Variants in GRM7 observed in about 807,000 individuals in gnomAD.
GRM7 encodes the protein glutamate metabotropic receptor 7.
A neutral mutation model predicts 84.5 loss-of-function variants in GRM7; 35 were observed. The ratio of observed to expected loss-of-function variants is 0.41; its 90% CI spans 0.32 to 0.55. The LOEUF is 0.55. GRM7 is among the 20% of genes least tolerant of loss of function. GRM7 has a pLI of 0.19. For synonymous variants in GRM7, 487 were observed against 455.1 expected (o/e 1.07, Z -0.89); for missense variants, 1,003 against 1,194.6 (o/e 0.84, Z 2.36).
intron 7 of GRM7, among the ~76,000 whole-genome samples, chr3:7,483,967 T>C (rs1699228958): frequency 6.6e-6 from 1 of 152,194 alleles, no homozygotes; most frequent in Non-Finnish European, 1.5e-5. Flanking sequence ...AAAGTGCTAT[T>C]AATATTTTAG....
chr3:7,664,096 T>C (rs558675379), intron 8 of GRM7, among the ~76,000 whole-genome samples: 2 of 152,180 alleles, frequency 1.3e-5, no homozygotes, highest in African/African-American at 2.4e-5. Context: ...CCTGCCAAAC[T>C]TTCCAGAATC....
chr3:7,307,560 G>T (rs1452884591), intron 4 of GRM7, among the ~76,000 whole-genome samples: 1 of 152,092 alleles, frequency 6.6e-6, no homozygotes, highest in Non-Finnish European at 1.5e-5. Flanking sequence ...TTCTGTGTAG[G>T]CTTTTTAGAC....
At chr3:7,381,362 G>A (rs1694584109) in intron 4 of GRM7, among the ~76,000 whole-genome samples, 1 of 151,820 alleles carries the variant, frequency 6.6e-6, no homozygotes, top group African/African-American at 2.4e-5. Context: ...AATATATTCT[G>A]CCAGTATTTA....
At chr3:7,610,923 A>C (rs867971331) in intron 8 of GRM7, among the ~76,000 whole-genome samples, 11 of 152,230 alleles carry the variant, frequency 7.2e-5, no homozygotes, top group African/African-American at 2.7e-4. Context: ...AACAAATAAC[A>C]ACAAAACGAT....
intron 5 of GRM7, among the ~76,000 whole-genome samples, chr3:7,425,543 G>A (rs1696573108): frequency 6.6e-6 from 1 of 152,060 alleles, no homozygotes; most frequent in East Asian, 1.9e-4. Flanking sequence ...AAACCAAGGT[G>A]GTACAAAATA....
chr3:7,680,973 T>C (rs1325151470), intron 9 of GRM7: 1 of 152,384 alleles, frequency 6.6e-6, no homozygotes, highest in African/African-American at 2.4e-5. Flanking sequence ...TGCAAAACTC[T>C]AGGAGCCTTT....
At chr3:7,123,161 T>C (rs1358011008) in intron 1 of GRM7, among the ~76,000 whole-genome samples, 2 of 152,252 alleles carry the variant, frequency 1.3e-5, no homozygotes, top group African/African-American at 4.8e-5. Flanking sequence ...CCATTACAAT[T>C]CACTTCTATT....
chr3:7,589,481 T>C (rs1379960387), intron 8 of GRM7, among the ~76,000 whole-genome samples: 1 of 152,186 alleles, frequency 6.6e-6, no homozygotes, highest in Non-Finnish European at 1.5e-5. Flanking sequence ...GGTCAGAATC[T>C]TAAGATGCTT....
intron 9 of GRM7, among the ~76,000 whole-genome samples, chr3:7,719,184 C>T (rs1256110494): frequency 7.9e-5 from 12 of 152,092 alleles, no homozygotes; most frequent in Admixed American, 7.9e-4. Context: ...CACAACAACC[C>T]TGCTTGTCCT....
chr3:6,922,241 C>T (rs532734208), intron 1 of GRM7, among the ~76,000 whole-genome samples: 2 of 152,344 alleles, frequency 1.3e-5, no homozygotes, highest in Non-Finnish European at 2.9e-5. Flanking sequence ...CTCTTGAAGT[C>T]TGAGAAACTG....
intron 1 of GRM7, among the ~76,000 whole-genome samples, chr3:6,950,337 C>A (rs1031075050): frequency 2.0e-5 from 3 of 152,176 alleles, no homozygotes; most frequent in African/African-American, 7.2e-5. Flanking sequence ...ACCCTGTTTG[C>A]CTGGGTATCA....
chr3:6,998,742 G>T (rs1694913237), intron 1 of GRM7, among the ~76,000 whole-genome samples: 3 of 152,200 alleles, frequency 2.0e-5, no homozygotes, highest in Admixed American at 2.0e-4. Flanking sequence ...AAGGCTTGTG[G>T]CTTTCACCCT....
chr3:7,090,320 G>C (rs1038077476), intron 1 of GRM7, among the ~76,000 whole-genome samples: 3 of 152,090 alleles, frequency 2.0e-5, no homozygotes, highest in Non-Finnish European at 4.4e-5. Flanking sequence ...ATGAACTGAG[G>C]AAGCACCTTT....
At chr3:7,463,397 A>T (rs890290734) in intron 7 of GRM7, among the ~76,000 whole-genome samples, 2 of 152,210 alleles carry the variant, frequency 1.3e-5, no homozygotes, top group African/African-American at 4.8e-5. Context: ...TATCCTTTGT[A>T]AGAACTGCAT....
intron 1 of GRM7, among the ~76,000 whole-genome samples, chr3:6,883,497 G>A (rs1052819848): frequency 1.1e-4 from 16 of 151,994 alleles, no homozygotes; most frequent in African/African-American, 3.6e-4. Flanking sequence ...TATTATGTTT[G>A]GAAATGATTT....
rs376612964 is a variant in GRM7, at chr3:7,492,199, G to A, written c.1515+30477G>A. On this transcript the variant is annotated intron_variant, in intron 7 of 9. Coordinates refer to ENST00000357716, the MANE Select transcript of GRM7 (RefSeq NM_000844.4). ...TGTGTACTGTCTTTGCTGGGTTTTAGTATCAGAGTAAAACGAGCTTTCATA... is the reference window on the plus strand; with the variant it reads ...TGTGTACTGTCTTTGCTGGGTTTTAATATCAGAGTAAAACGAGCTTTCATA... Among the ~76,000 whole-genome samples, 88 of 152,230 alleles carry A rather than the reference G, an allele frequency of 5.8e-4. 1 individual carries two copies. Among genetic ancestry groups the A allele is most frequent in the African/African-American group, 2.0e-3 (83 of 41,556 alleles).
chr3:7,051,506 C>G (rs912887736), intron 1 of GRM7, among the ~76,000 whole-genome samples: 1 of 151,788 alleles, frequency 6.6e-6, no homozygotes, highest in Non-Finnish European at 1.5e-5. Context: ...TAAAGAGACT[C>G]TAGCTGTGGA....
At chr3:7,276,270 A>T (rs538141404) in intron 2 of GRM7, among the ~76,000 whole-genome samples, 1 of 147,920 alleles carries the variant, frequency 6.8e-6, no homozygotes, top group Non-Finnish European at 1.5e-5. Flanking sequence ...TGTCCTCTCA[A>T]TGTAGAAACA....
chr3:7,016,599 T>G (rs1695573860), intron 1 of GRM7, among the ~76,000 whole-genome samples: 1 of 152,266 alleles, frequency 6.6e-6, no homozygotes, highest in African/African-American at 2.4e-5. Flanking sequence ...AGGGTTAATG[T>G]CTTGTTTATT....
Sources: gnomAD v4.1 joint callset for allele counts (sites outside exome capture counted in the v4.1 genomes callset) on GRCh38, gnomAD v4.1.1 for gene constraint, MANE v1.5 for transcripts, NCBI Gene and HGNC (gene_info 2026-07-23, HGNC 2026-07-21) for gene names.